NCKAP5: variants seen among roughly 807,000 people sequenced by gnomAD.
The protein encoded by NCKAP5 is nck-associated protein 5.
NCKAP5 carries 92 observed loss-of-function variants against 167.0 expected under a neutral mutation model. That is an observed-to-expected ratio of 0.55 (90% CI 0.47 to 0.66). The LOEUF (loss-of-function observed/expected upper bound fraction) is 0.66, where lower values mean the gene tolerates loss of function less well. NCKAP5 is among the 30% of genes least tolerant of loss of function. The pLI is 0.00. For synonymous variants in NCKAP5, 891 were observed against 877.4 expected, an observed-to-expected ratio of 1.02 and a Z score of -0.27; for missense variants, 2,378 against 2,315.0, an observed-to-expected ratio of 1.03 and a Z score of -0.56.
chr2:132,773,616 T>C (rs1000922863), intron 16 of NCKAP5, among the ~76,000 whole-genome samples, 200 bp downstream of exon 16: 3 of 152,328 alleles, frequency 2.0e-5, no homozygotes, highest in East Asian at 1.9e-4. Context: ...TGGAAATACC[T>C]GTTTTCCTCA....
intron 3 of NCKAP5, among the ~76,000 whole-genome samples, chr2:133,361,037 T>A (rs1685068740): frequency 6.7e-6 from 1 of 149,506 alleles, no homozygotes; most frequent in Non-Finnish European, 1.5e-5. Context: ...CCTATGCTGG[T>A]GACTGGAGAA....
intron 3 of NCKAP5, among the ~76,000 whole-genome samples, chr2:133,365,561 CAT>C (rs953391411): frequency 6.6e-6 from 1 of 151,874 alleles, no homozygotes; most frequent in Non-Finnish European, 1.5e-5. Flanking sequence ...ATACATAAAA[CAT>C]ATTGATTCTA....
At chr2:133,468,719 G>C (rs576667479) in intron 3 of NCKAP5, among the ~76,000 whole-genome samples, 6 of 152,324 alleles carry the variant, frequency 3.9e-5, no homozygotes, top group African/African-American at 1.4e-4. Flanking sequence ...ATATATTTAG[G>C]ATAGTCAGCT....
chr2:132,953,049 A>T (rs1035368308), intron 8 of NCKAP5, among the ~76,000 whole-genome samples: 7 of 152,174 alleles, frequency 4.6e-5, no homozygotes, highest in Admixed American at 2.6e-4. Context: ...CTTCATACTG[A>T]TGTGTTGGAT....
In NCKAP5 at chr2:132,878,865, C is replaced by T. The variant is rs1691526840; in HGVS notation, c.631G>A (p.Glu211Lys). The change falls in exon 9 of 20, where the codon GAG becomes AAG. Residue 211 changes from glutamate to lysine, a missense_variant. Physicochemically the swap from Glu to Lys is moderately conservative, Grantham distance 56. Around this residue, in one of 3 missense-constraint regions of NCKAP5, gnomAD observed 1,049 missense variants for 1,023.4 expected, o/e 1.02. Coordinates refer to ENST00000409261, the MANE Select transcript of NCKAP5 (RefSeq NM_207363.3). ...CCCCTTACCTCATCAAGACATCGCT[C>T]ATATTGTTCCCTTTGATTTTCATTC... ...LENENQREQY[E>K]RCLDEVANQV... 5.0e-6 allele frequency: 8 copies of T among 1,613,558 alleles called. No homozygotes were observed. In the South Asian group the frequency reaches 7.7e-5, roughly 16 times the overall value.
chr2:133,498,867 C>T (rs1682216360), intron 3 of NCKAP5, among the ~76,000 whole-genome samples: 1 of 152,218 alleles, frequency 6.6e-6, no homozygotes, highest in African/African-American at 2.4e-5. Flanking sequence ...ACAATTACCT[C>T]ACAAGCTTTA....
chr2:133,213,806 T>C (rs2086309594), intron 4 of NCKAP5, 27 bp from the exon 5 acceptor site: 6 of 1,612,304 alleles, frequency 3.7e-6, no homozygotes, highest in Non-Finnish European at 5.1e-6. Context: ...ACATGATTAG[T>C]TGACCATTCT....
chr2:132,722,532 C>T (rs1690022720), intron 19 of NCKAP5, among the ~76,000 whole-genome samples: 1 of 152,182 alleles, frequency 6.6e-6, no homozygotes, highest in Non-Finnish European at 1.5e-5. Context: ...TTGGGCTACA[C>T]TCCCTCCCTT....
At chr2:133,529,860 C>T (rs957063695) in intron 2 of NCKAP5, among the ~76,000 whole-genome samples, 2 of 152,134 alleles carry the variant, frequency 1.3e-5, no homozygotes, top group African/African-American at 4.8e-5. Flanking sequence ...AAATTATTTG[C>T]TCATTCTCCT....
chr2:132,784,792 C>G lies in NCKAP5; in HGVS notation c.2019G>C (p.Ala673=). ...SEECVTVIFD[A]EDGEPIEFSS... ...TGAATTCAATGGGCTCACCGTCTTC[C>G]GCATCAAATATCACAGTCACACATT... is the stretch of plus-strand genomic sequence containing the variant. Residue 673 remains alanine, a synonymous_variant, in exon 14 of 20, where the codon GCG becomes GCC. Transcript: ENST00000409261. 3.1e-6 allele frequency: 5 copies of G among 1,601,748 alleles called. No homozygotes were observed.
intron 1 of NCKAP5, among the ~76,000 whole-genome samples, chr2:133,566,826 C>G (rs1688585946): frequency 6.6e-6 from 1 of 152,168 alleles, no homozygotes; most frequent in South Asian, 2.1e-4. Flanking sequence ...TTATTTTAAG[C>G]AAAGAATTGC....
chr2:133,466,949 C>T (rs553644733), intron 3 of NCKAP5, among the ~76,000 whole-genome samples: 1 of 152,312 alleles, frequency 6.6e-6, no homozygotes, highest in South Asian at 2.1e-4. Context: ...ATCATGTCAT[C>T]TGCAAACAGG....
intron 16 of NCKAP5, among the ~76,000 whole-genome samples, chr2:132,761,973 G>A (rs756688664): frequency 1.6e-4 from 25 of 152,182 alleles, no homozygotes; most frequent in Non-Finnish European, 2.1e-4. Context: ...CCTGAGAGGT[G>A]ATCCAAGAAA....
At chr2:133,097,438 A>G (rs2081377436) in intron 6 of NCKAP5, among the ~76,000 whole-genome samples, 1 of 152,216 alleles carries the variant, frequency 6.6e-6, no homozygotes. Flanking sequence ...AAGTTATGCC[A>G]TCGCAATTTA....
chr2:132,928,947 C>A (rs1348236945), intron 8 of NCKAP5, among the ~76,000 whole-genome samples: 1 of 149,254 alleles, frequency 6.7e-6, no homozygotes, highest in Non-Finnish European at 1.5e-5. Context: ...ACAGTGAGAC[C>A]CCCTTCTCTA....
At chr2:133,080,284 T>G (rs923568537) in intron 6 of NCKAP5, among the ~76,000 whole-genome samples, 2 of 152,146 alleles carry the variant, frequency 1.3e-5, no homozygotes, top group South Asian at 4.1e-4. Flanking sequence ...TGGGAATGTT[T>G]GGGAAGATGT....
chr2:133,031,959 G>T (rs2164835), intron 6 of NCKAP5, among the ~76,000 whole-genome samples: 9,510 of 152,142 alleles, frequency 0.063, 932 homozygotes, highest in African/African-American at 0.22. Flanking sequence ...ATAACCAGCA[G>T]TGATGCCCAG....
chr2:133,668,399 C>A, the NCKAP5 span, among the ~76,000 whole-genome samples: 1 of 152,160 alleles, frequency 6.6e-6, no homozygotes, highest in East Asian at 1.9e-4. Flanking sequence ...ATTTTACATT[C>A]CCGCCAGCAA....
At chr2:133,588,129 A>C in the NCKAP5 span, among the ~76,000 whole-genome samples, 1 of 152,216 alleles carries the variant, frequency 6.6e-6, no homozygotes, top group African/African-American at 2.4e-5. Context: ...CATGTGAGTC[A>C]ACTATGTCAC....
Sources: gnomAD v4.1 joint callset for allele counts (sites outside exome capture counted in the v4.1 genomes callset) on GRCh38, gnomAD v4.1.1 for gene constraint, gnomAD v4.1.1 regional missense constraint, MANE v1.5 for transcripts, NCBI Gene and HGNC (gene_info 2026-07-23, HGNC 2026-07-21) for gene names.